PDE7B: variants seen among roughly 807,000 people sequenced by gnomAD.
PDE7B encodes 3',5'-cyclic-AMP phosphodiesterase 7B.
In PDE7B, 29 loss-of-function variants were observed where a neutral mutation model predicts 56.2. The ratio of observed to expected loss-of-function variants is 0.52; its 90% CI spans 0.38 to 0.70. The LOEUF (loss-of-function observed/expected upper bound fraction) is 0.70. Ranked by LOEUF, PDE7B falls within the 30% of genes least tolerant of loss-of-function variation. The pLI, the probability that PDE7B is intolerant of heterozygous loss-of-function variation, is 0.00. For missense variants in PDE7B, 490 were observed against 565.0 expected (o/e 0.87, Z 1.35); for synonymous variants, 197 against 196.9 (o/e 1.00, Z 0.00).
At chr6:136,040,073 T>C (rs1281398478) in intron 2 of PDE7B, among the ~76,000 whole-genome samples, 1 of 152,032 alleles carries the variant, frequency 6.6e-6, no homozygotes, top group East Asian at 1.9e-4. Flanking sequence ...TCCTGTAGCT[T>C]CTTATTACTT....
intron 2 of PDE7B, among the ~76,000 whole-genome samples, chr6:136,056,579 T>C (rs1323588458): frequency 3.9e-5 from 5 of 129,032 alleles, no homozygotes; most frequent in Non-Finnish European, 6.3e-5. Flanking sequence ...TTGCCCAGGC[T>C]GGAGTGCAAT....
rs189859422 is a variant in PDE7B, at chr6:136,063,450, C to T, written c.83-45281C>T. Among the ~76,000 whole-genome samples, 18 of 152,350 alleles carry T rather than the reference C, an allele frequency of 1.2e-4. 1 individual carries two copies. Among genetic ancestry groups the T allele is most frequent in the Admixed American group, 8.5e-4 (13 of 15,304 alleles). On this transcript the variant is annotated intron_variant, in intron 2 of 12. Transcript: ENST00000308191. ...ATCCGTATCCTTCTGACCATTTCTT[C>T]CACCACCTTGGTAAGTCAGGACCTC...
At position 136,014,762 on chromosome 6, in the gene PDE7B, T is replaced by C. The variant is rs536901989; in HGVS notation, c.82+67238T>C. On this transcript the variant is annotated intron_variant, in intron 2 of 12. Coordinates refer to ENST00000308191, the MANE Select transcript of PDE7B (RefSeq NM_018945.4). ...ACACATAAAATGAAATATTGGTGAT[T>C]TGTACCTCTATTCAAAGCCTCATCT... Among the ~76,000 whole-genome samples the C allele has an allele frequency of 2.0e-5, 3 of 152,278 alleles. No homozygotes were observed. In the South Asian group the frequency reaches 6.2e-4, roughly 32 times the overall value.
chr6:135,963,786 T>G (rs966260908), intron 2 of PDE7B, among the ~76,000 whole-genome samples: 1 of 152,196 alleles, frequency 6.6e-6, no homozygotes, highest in Non-Finnish European at 1.5e-5. Context: ...ATTCTTTTTA[T>G]ACTTGATTTG....
rs568307517 is a variant in PDE7B, at chr6:136,138,320, G to T, written c.167-9031G>T. On this transcript the variant is annotated intron_variant, in intron 3 of 12. Coordinates refer to ENST00000308191, the MANE Select transcript of PDE7B (RefSeq NM_018945.4). ...ATATATCAGATCTTTATCAATAATT[G>T]ATTAACACATTTAAATACTTCAAAA... is the stretch of plus-strand genomic sequence containing the variant. Among the ~76,000 whole-genome samples, 14 of 152,112 alleles carry T rather than the reference G, an allele frequency of 9.2e-5. No individual in the cohort carries two copies. In the East Asian group the frequency reaches 2.5e-3, roughly 27 times the overall value.
chr6:135,928,096 C>T (rs568050742), intron 1 of PDE7B, among the ~76,000 whole-genome samples: 23 of 152,140 alleles, frequency 1.5e-4, no homozygotes, highest in Middle Eastern at 3.4e-3. Context: ...TACCATCTCA[C>T]ACCAGTCAGA....
intron 3 of PDE7B, among the ~76,000 whole-genome samples, chr6:136,135,274 T>C (rs989870906): frequency 2.0e-5 from 3 of 152,088 alleles, no homozygotes; most frequent in Non-Finnish European, 4.4e-5. Context: ...TTTATTTTGG[T>C]TTAGGTTTTT....
intron 3 of PDE7B, among the ~76,000 whole-genome samples, chr6:136,145,267 G>A (rs962154297): frequency 8.6e-5 from 13 of 151,876 alleles, no homozygotes; most frequent in East Asian, 3.9e-4. Flanking sequence ...CCATTCTTTC[G>A]TTATTCATTT....
At chr6:136,081,447 G>T (rs2128215125) in intron 2 of PDE7B, among the ~76,000 whole-genome samples, 1 of 152,172 alleles carries the variant, frequency 6.6e-6, no homozygotes, top group East Asian at 1.9e-4. Context: ...AGTATTTTAA[G>T]ATTTGTTTGT....
At chr6:136,069,718 T>G (rs1296547669) in intron 2 of PDE7B, among the ~76,000 whole-genome samples, 1 of 152,222 alleles carries the variant, frequency 6.6e-6, no homozygotes, top group Non-Finnish European at 1.5e-5. Context: ...CTTCAATTTT[T>G]GTTTGTTTTA....
intron 2 of PDE7B, among the ~76,000 whole-genome samples, chr6:136,058,426 T>G (rs1174305999): frequency 6.6e-6 from 1 of 152,118 alleles, no homozygotes. Flanking sequence ...GGACAAAAAC[T>G]ATGTCCCCAT....
At chr6:135,936,446 A>G (rs2128198022) in intron 1 of PDE7B, among the ~76,000 whole-genome samples, 1 of 152,308 alleles carries the variant, frequency 6.6e-6, no homozygotes, top group South Asian at 2.1e-4. Context: ...AGATGGCTGG[A>G]GTTTAACAAG....
At chr6:135,926,373 C>G (rs1774190074) in intron 1 of PDE7B, among the ~76,000 whole-genome samples, 1 of 152,100 alleles carries the variant, frequency 6.6e-6, no homozygotes, top group South Asian at 2.1e-4. Context: ...AGGCGTGAGC[C>G]ACCATGCCCG....
rs1020084181 is a variant in PDE7B, at chr6:135,981,341, G to C, written c.82+33817G>C. 4.0e-5 allele frequency among the ~76,000 whole-genome samples: 6 copies of C among 150,500 alleles called. No homozygotes were observed. The South Asian group carries it at 1.1e-3, about 27-fold the overall frequency. ...GGAGATATACCTAATGCTAGATGAC[G>C]AGTTAGAGGGTGCAGCGCACCAGCA... On this transcript the variant is annotated intron_variant, in intron 2 of 12. Transcript: ENST00000308191.
rs533387197 is a variant in PDE7B, at chr6:135,997,833, CAG to C, written c.82+50312_82+50313del. ...TGTAGGGATAAGACTCGAAAGATAA[CAG>C]AGTATTAGCAATCGCCAGTGGGTGG... On this transcript the variant is annotated intron_variant, in intron 2 of 12. Transcript: ENST00000308191. 8.5e-5 allele frequency among the ~76,000 whole-genome samples: 13 copies of C among 152,246 alleles called. No homozygotes were observed. In the South Asian group the frequency reaches 2.5e-3, roughly 29 times the overall value.
At chr6:136,061,172 G>A (rs192644718) in intron 2 of PDE7B, among the ~76,000 whole-genome samples, 20 of 152,066 alleles carry the variant, frequency 1.3e-4, no homozygotes, top group South Asian at 1.3e-3. Flanking sequence ...GTTTGCAGGC[G>A]TCAGAGATCA....
At chr6:136,147,319 T>C in intron 3 of PDE7B, 32 bp from the exon 4 acceptor site, 3 of 1,529,538 alleles carry the variant, frequency 2.0e-6, no homozygotes, top group Non-Finnish European at 1.8e-6. Context: ...CTTTTAAATA[T>C]ATAAATTTCT....
intron 1 of PDE7B, among the ~76,000 whole-genome samples, chr6:135,942,038 C>T (rs1359206458): frequency 2.6e-5 from 4 of 152,222 alleles, no homozygotes; most frequent in Non-Finnish European, 5.9e-5. Context: ...AGAACAAAAA[C>T]GTGAGCTTTT....
intron 1 of PDE7B, among the ~76,000 whole-genome samples, chr6:135,895,132 A>G (rs1562428901): frequency 7.0e-6 from 1 of 143,166 alleles, no homozygotes; most frequent in African/African-American, 2.5e-5. Flanking sequence ...TGATGAAATA[A>G]AAAAAAAAGG....
Sources: gnomAD v4.1 joint callset for allele counts (sites outside exome capture counted in the v4.1 genomes callset) on GRCh38, gnomAD v4.1.1 for gene constraint, MANE v1.5 for transcripts, NCBI Gene and HGNC (gene_info 2026-07-23, HGNC 2026-07-21) for gene names.